USP25: variants seen among roughly 807,000 people sequenced by gnomAD.
USP25 encodes ubiquitin carboxyl-terminal hydrolase 25.
USP25 carries 85 observed loss-of-function variants against 158.5 expected under a neutral mutation model. That is an observed-to-expected ratio of 0.54 (90% CI 0.45 to 0.64). The LOEUF (loss-of-function observed/expected upper bound fraction) is 0.64, where lower values mean the gene tolerates loss of function less well. USP25 is among the 30% of genes least tolerant of loss of function. USP25 has a pLI of 0.00. For missense variants in USP25, 1,242 were observed against 1,327.3 expected (o/e 0.94, Z 1.00); for synonymous variants, 464 against 460.4 (o/e 1.01, Z -0.10).
chr21:15,872,021 T>G (rs1225070993), intron 23 of USP25, among the ~76,000 whole-genome samples: 16 of 139,874 alleles, frequency 1.1e-4, no homozygotes, highest in African/African-American at 2.3e-4. Flanking sequence ...ACTGTTTTTT[T>G]TTTTTTTTTT....
intron 22 of USP25, among the ~76,000 whole-genome samples, chr21:15,866,746 C>G (rs1051685523): frequency 6.6e-6 from 1 of 152,038 alleles, no homozygotes; most frequent in South Asian, 2.1e-4. Flanking sequence ...TTTGTCTAAG[C>G]CCTTTACATA....
intron 21 of USP25, among the ~76,000 whole-genome samples, chr21:15,865,250 A>G (rs2039604956): frequency 6.6e-6 from 1 of 152,158 alleles, no homozygotes; most frequent in South Asian, 2.1e-4. Flanking sequence ...GAAATTTTAG[A>G]GTATTGAAAG....
At chr21:15,872,217 TA>T (rs1490649259) in intron 23 of USP25, among the ~76,000 whole-genome samples, 7 of 152,106 alleles carry the variant, frequency 4.6e-5, no homozygotes, top group African/African-American at 1.7e-4. Context: ...GCAAGAACCA[TA>T]ATTTTATAGA....
intron 9 of USP25, among the ~76,000 whole-genome samples, chr21:15,817,766 C>T (rs1011206018): frequency 2.7e-5 from 4 of 150,858 alleles, no homozygotes; most frequent in African/African-American, 4.8e-5. Context: ...ACCACGAGAA[C>T]GGTATGGGGG....
chr21:15,850,533 C>CTGAAATAAAG (rs1189588907), intron 20 of USP25, among the ~76,000 whole-genome samples: 1 of 151,096 alleles, frequency 6.6e-6, no homozygotes, highest in African/African-American at 2.4e-5. Context: ...ATTTTATTTA[C>CTGAAATAAAG]ATTAACTGAA....
rs1277333614 is a variant in USP25 at position 15,766,624 on chromosome 21, GA to G, written c.268+490del. Among the ~76,000 whole-genome samples the G allele has an allele frequency of 6.6e-6, 1 of 151,826 alleles. No individual in the cohort carries two copies. Among genetic ancestry groups the G allele is most frequent in the East Asian group, 1.9e-4 (1 of 5,164 alleles). The stretch of plus-strand genomic sequence containing the variant: ...TAATGAAATTGCCTTTCATCCAAAA[GA>G]AAAAAAGAAAAGAAAACTTGGAAAA... On this transcript the variant is annotated intron_variant, in intron 3 of 25. Transcript: ENST00000400183. The surrounding 1 kb of genome is among the most constrained non-coding windows in gnomAD (Gnocchi z 4.0).
rs115123868 is a variant in USP25 at position 15,740,224 on chromosome 21, T to A, written c.45+9786T>A. Among the ~76,000 whole-genome samples the A allele has an allele frequency of 2.4e-3, 363 of 152,360 alleles. 5 individuals are homozygous for A. The highest frequency in any genetic ancestry group is 8.4e-3 in the African/African-American group (351 of 41,576). On this transcript the variant is annotated intron_variant, in intron 1 of 25. Coordinates refer to ENST00000400183, the MANE Select transcript of USP25 (RefSeq NM_001283041.3). ...TGGGCTAAAGCCTGCTTAATAAGAA[T>A]CGCAGATTATTCTTCTGCACTTAAT...
intron 1 of USP25, among the ~76,000 whole-genome samples, chr21:15,748,884 A>C (rs2032774391): frequency 6.6e-6 from 1 of 152,224 alleles, no homozygotes; most frequent in Non-Finnish European, 1.5e-5. Flanking sequence ...TTTTGGAAGT[A>C]AATTTTATTT....
At chr21:15,871,640 T>C (rs1229141080) in intron 23 of USP25, among the ~76,000 whole-genome samples, 1 of 152,204 alleles carries the variant, frequency 6.6e-6, no homozygotes, top group Non-Finnish European at 1.5e-5. Flanking sequence ...AGCTTCTGTA[T>C]TAGTTGTTCC....
intron 1 of USP25, among the ~76,000 whole-genome samples, chr21:15,751,155 C>G (rs1053065788): frequency 2.0e-5 from 3 of 152,112 alleles, no homozygotes; most frequent in Non-Finnish European, 2.9e-5. Flanking sequence ...CCCCAAGACT[C>G]TGAGAGATTG....
At position 15,755,419 on chromosome 21, in the gene USP25, A is replaced by C. The variant is rs548734909; in HGVS notation, c.46-7472A>C. On this transcript the variant is annotated intron_variant, in intron 1 of 25. Transcript: ENST00000400183. ...TTTTACCATTTTATAAGTATTTTACATCAACATAATAGTGGATTTTTGCAC... is the reference window on the plus strand; with the variant it reads ...TTTTACCATTTTATAAGTATTTTACCTCAACATAATAGTGGATTTTTGCAC... 2.6e-5 allele frequency among the ~76,000 whole-genome samples: 4 copies of C among 152,346 alleles called. No individual in the cohort carries two copies. The South Asian group carries it at 8.3e-4, about 32-fold the overall frequency.
intron 1 of USP25, among the ~76,000 whole-genome samples, chr21:15,737,158 A>G (rs1021350704): frequency 2.0e-5 from 3 of 152,000 alleles, no homozygotes; most frequent in South Asian, 2.1e-4. Context: ...CCTGGCTTCA[A>G]ATGTTTCTTC....
intron 20 of USP25, 107 bp from the exon 21 acceptor site, chr21:15,864,158 CAAA>C (rs878887662): frequency 6.8e-4 from 632 of 929,642 alleles, no homozygotes; most frequent in Admixed American, 9.4e-4. Context: ...CTTTAAAAGC[CAAA>C]AAAAAAAAAA....
intron 1 of USP25, among the ~76,000 whole-genome samples, chr21:15,750,934 A>G (rs1437564689): frequency 1.3e-5 from 2 of 152,070 alleles, no homozygotes; most frequent in Non-Finnish European, 2.9e-5. Context: ...TTCTCTTAAA[A>G]CTGTAGAATT....
chr21:15,837,967 A>G (rs1046203593), intron 17 of USP25, among the ~76,000 whole-genome samples: 6 of 150,546 alleles, frequency 4.0e-5, no homozygotes, highest in African/African-American at 1.5e-4. Context: ...AGACAGTTTC[A>G]CTTTGTTGCC....
intron 3 of USP25, among the ~76,000 whole-genome samples, chr21:15,776,445 ACT>A (rs1229985554): frequency 6.6e-6 from 1 of 151,984 alleles, no homozygotes; most frequent in East Asian, 1.9e-4. Flanking sequence ...ATAGAAGTAG[ACT>A]CTGGAAAATA....
intron 24 of USP25, 92 bp downstream of exon 24, chr21:15,874,618 T>C: frequency 7.8e-7 from 1 of 1,284,550 alleles, no homozygotes; most frequent in Non-Finnish European, 1.1e-6. Flanking sequence ...CTCCATAAAC[T>C]CTGAGGGGAT....
chr21:15,871,888 G>A (rs1208270949), intron 23 of USP25, among the ~76,000 whole-genome samples: 1 of 151,764 alleles, frequency 6.6e-6, no homozygotes, highest in African/African-American at 2.4e-5. Flanking sequence ...CTACTCAGGA[G>A]GCTGAGGCAG....
chr21:15,874,542 A>G lies in USP25; in HGVS notation c.3009+16A>G, dbSNP rs1457578371. On this transcript the variant is annotated intron_variant, in intron 24 of 25. Transcript: ENST00000400183. ...ATGTTTGCTAGTAAGTTGAATGCAT[A>G]TAGTATGATCTTATCATTTTGTCTG... 1.9e-6 allele frequency: 3 copies of G among 1,588,732 alleles called. No individual in the cohort carries two copies. The highest frequency in any genetic ancestry group is 2.6e-6 in the Non-Finnish European group (3 of 1,170,650).
Sources: allele counts gnomAD v4.1 joint callset (sites outside exome capture counted in the v4.1 genomes callset), GRCh38; gene constraint gnomAD v4.1.1; non-coding constraint Gnocchi (gnomAD v3.1); transcripts MANE v1.5; gene names NCBI Gene and HGNC (gene_info 2026-07-23, HGNC 2026-07-21).